The following KIF13B variants were observed in gnomAD, a reference collection of about 807,000 sequenced individuals.
KIF13B encodes kinesin family member 13B.
Under a neutral mutation model 222.0 loss-of-function variants are expected in KIF13B, and 127 were observed. That is an observed-to-expected ratio of 0.57 (90% CI 0.50 to 0.66). The LOEUF is 0.66. KIF13B is among the 30% of genes least tolerant of loss of function. The probability of loss-of-function intolerance (pLI) is 0.00; values close to 1 mark genes in which losing one functional copy is unlikely to be tolerated. For missense variants in KIF13B, 2,173 were observed against 2,379.0 expected (o/e 0.91, Z 1.80); for synonymous variants, 976 against 919.0 (o/e 1.06, Z -1.12).
chr8:29,147,242 T>C lies in KIF13B; in HGVS notation c.2024+150A>G, dbSNP rs1399264935. 10 of 637,122 alleles carry C rather than the reference T, an allele frequency of 1.6e-5. No homozygotes were observed. In the East Asian group the frequency reaches 1.9e-4, roughly 12 times the overall value. 39.5% of individuals were successfully genotyped at this position (637,122 alleles called of 1,614,324 possible). A position where few individuals can be genotyped will look rare whatever the true frequency, so the allele number is the denominator to read the frequency against. The stretch of plus-strand genomic sequence containing the variant: ...GGGCAATTCCCCTTTTAAAAACAAA[T>C]GCAAAGTGGTTCTTGGCTGTTAACA... On this transcript the variant is annotated intron_variant, in intron 17 of 39. Coordinates refer to ENST00000524189, the MANE Select transcript of KIF13B (RefSeq NM_015254.4).
At chr8:29,250,957 C>T (rs1027211461) in intron 1 of KIF13B, among the ~76,000 whole-genome samples, 2 of 152,052 alleles carry the variant, frequency 1.3e-5, no homozygotes, top group Non-Finnish European at 2.9e-5. Context: ...AAAGCAGTGG[C>T]GTAGACAACA....
chr8:29,196,686 A>G (rs1268259376), intron 2 of KIF13B, among the ~76,000 whole-genome samples: 2 of 152,104 alleles, frequency 1.3e-5, no homozygotes, highest in East Asian at 1.9e-4. Context: ...AGAAACCACT[A>G]ATTTCTTGCC....
chr8:29,207,844 T>C (rs1377081471), intron 2 of KIF13B, among the ~76,000 whole-genome samples: 4 of 152,138 alleles, frequency 2.6e-5, no homozygotes, highest in Non-Finnish European at 4.4e-5. Context: ...TTTGAAATGA[T>C]GGCTACTATT....
intron 36 of KIF13B, among the ~76,000 whole-genome samples, chr8:29,093,856 T>A (rs1297108140): frequency 1.3e-5 from 2 of 151,284 alleles, no homozygotes; most frequent in African/African-American, 2.4e-5. Flanking sequence ...ACATCATACC[T>A]CAGTTTAGAA....
chr8:29,208,065 T>C (rs1472655335), intron 2 of KIF13B, among the ~76,000 whole-genome samples: 1 of 152,208 alleles, frequency 6.6e-6, no homozygotes, highest in African/African-American at 2.4e-5. Flanking sequence ...GAAAATCATG[T>C]ATTTGCAGTT....
At chr8:29,240,327 G>GA (rs796337657) in intron 2 of KIF13B, among the ~76,000 whole-genome samples, 2,050 of 130,430 alleles carry the variant, frequency 0.016, 38 homozygotes, top group African/African-American at 0.046. Flanking sequence ...CCGCAGCAGG[G>GA]AAAAAAAAAA....
At chr8:29,109,789 T>C (rs1487550704) in intron 33 of KIF13B, 129 bp downstream of exon 33, 2 of 900,492 alleles carry the variant, frequency 2.2e-6, no homozygotes, top group East Asian at 5.3e-5. Flanking sequence ...TCACTCTGGA[T>C]TATTCAAAGT....
intron 2 of KIF13B, among the ~76,000 whole-genome samples, chr8:29,233,180 T>C (rs1018078674): frequency 6.6e-6 from 1 of 152,084 alleles, no homozygotes. Flanking sequence ...AAAAATCCCA[T>C]ATGACACCAA....
chr8:29,245,409 T>C lies in KIF13B; in HGVS notation c.86A>G (p.Asp29Gly). The C allele has an allele frequency of 6.2e-7, 1 of 1,602,138 alleles. No homozygotes were observed. The highest frequency in any genetic ancestry group is 8.5e-7 in the Non-Finnish European group (1 of 1,173,522). The change falls in exon 2 of 40, where the codon GAT (aspartate) becomes GGT (glycine). Residue 29 changes from aspartate (D) to glycine (G), a missense_variant. This residue lies in a region of KIF13B where 1,480 missense variants were observed against 1,722.8 expected (regional missense o/e 0.86). Transcript: ENST00000524189. Reference protein sequence around the residue: ...ETDLHTKCVVDVDANKVILNP... With the variant: ...ETDLHTKCVVGVDANKVILNP... Reference sequence around the variant, plus strand: ...AAGAATAACCTTGTTTGCATCCACATCCACCACACATTTGGTATGCAAGTC... The same window carrying C: ...AAGAATAACCTTGTTTGCATCCACACCCACCACACATTTGGTATGCAAGTC...
chr8:29,129,753 C>A (rs1182845004), intron 24 of KIF13B, among the ~76,000 whole-genome samples: 1 of 152,186 alleles, frequency 6.6e-6, no homozygotes, highest in Non-Finnish European at 1.5e-5. Context: ...TAAGTGGCCA[C>A]TCCCATATTC....
At chr8:29,089,893 A>G (rs867002446) in intron 37 of KIF13B, among the ~76,000 whole-genome samples, 116 of 151,976 alleles carry the variant, frequency 7.6e-4, no homozygotes, top group African/African-American at 2.6e-3. Context: ...CTCAAAAAAA[A>G]AAAAAAAAAA....
chr8:29,109,482 T>C lies in KIF13B; in HGVS notation c.4113A>G (p.Gly1371=), dbSNP rs1258463327. 2.5e-6 allele frequency: 4 copies of C among 1,613,840 alleles called. No homozygotes were observed. The highest frequency in any genetic ancestry group is 4.5e-5 in the East Asian group (2 of 44,902). The change falls in exon 34 of 40, where the codon GGA becomes GGG. Residue 1371 remains glycine (G), a synonymous_variant. Coordinates refer to ENST00000524189, the MANE Select transcript of KIF13B (RefSeq NM_015254.4). ...QEVAVKEQLT[G]KGKLSRRSIS... The stretch of plus-strand genomic sequence containing the variant: ...TACTCCTCCTGCTCAACTTTCCTTT[T>C]CCTGTTAACTGTTCCTTCACTGCAA...
intron 1 of KIF13B, among the ~76,000 whole-genome samples, chr8:29,251,033 C>A (rs893945800): frequency 6.6e-6 from 1 of 152,066 alleles, no homozygotes; most frequent in Non-Finnish European, 1.5e-5. Context: ...AGCCTGTAAT[C>A]CCAGCTACTC....
At position 29,068,891 on chromosome 8, in the gene KIF13B, G is replaced by C. The variant is rs900323377; in HGVS notation, c.*1613C>G. ...TCCCTCAAAATCGGCTAAGGACAGG[G>C]AGAGCCCTGGAGGAGTGCCTCCCCC... On this transcript the variant is annotated 3_prime_UTR_variant, in exon 40 of 40. Coordinates refer to ENST00000524189, the MANE Select transcript of KIF13B (RefSeq NM_015254.4). The surrounding 1 kb of genome is among the most constrained non-coding windows in gnomAD (Gnocchi z 4.4). The C allele has an allele frequency of 3.9e-5, 6 of 152,294 alleles. No individual in the cohort carries two copies. The highest frequency in any genetic ancestry group is 1.2e-4 in the African/African-American group (5 of 41,458). 9.4% of individuals were successfully genotyped at this position (152,294 alleles called of 1,614,324 possible).
At position 29,252,965 on chromosome 8, in the gene KIF13B, T is replaced by A. The variant is rs1816338048; in HGVS notation, c.56-7526A>T. Reference sequence around the variant, plus strand: ...ACTTTTATATTGTTACTAGTAAACATGAAAATGTATTAAATAAATAAAAGA... The same window carrying A: ...ACTTTTATATTGTTACTAGTAAACAAGAAAATGTATTAAATAAATAAAAGA... On this transcript the variant is annotated intron_variant, in intron 1 of 39. Coordinates refer to ENST00000524189, the MANE Select transcript of KIF13B (RefSeq NM_015254.4). Among the ~76,000 whole-genome samples, 4 of 152,136 alleles carry A rather than the reference T, an allele frequency of 2.6e-5. No homozygotes were observed. In the South Asian group the frequency reaches 6.2e-4, roughly 24 times the overall value.
chr8:29,070,604 A>G lies in KIF13B; in HGVS notation c.5381T>C (p.Leu1794Pro). The G allele has an allele frequency of 6.3e-7, 1 of 1,592,946 alleles. No homozygotes were observed. The highest frequency in any genetic ancestry group is 8.5e-7 in the Non-Finnish European group (1 of 1,169,704). Residue 1794 changes from leucine to proline, a missense_variant, in exon 40 of 40, where the codon CTC becomes CCC. By Grantham distance (98) the Leu-to-Pro change is moderately conservative (BLOSUM62 -3). This residue lies in a region of KIF13B where 693 missense variants were observed against 656.2 expected (regional missense o/e 1.06). Transcript: ENST00000524189. This position sits in a 1 kb window ranked among gnomAD's most constrained non-coding sequence, Gnocchi z 4.1. Reference sequence around the variant, plus strand: ...GGCCAGGTTGGTGGCGGAGCCCGAGAGGGTGGCGCTCCGGCGGGCCTCGGG... The same window carrying G: ...GGCCAGGTTGGTGGCGGAGCCCGAGGGGGTGGCGCTCCGGCGGGCCTCGGG... ...GAPEARRSAT[L>P]SGSATNLASL...
At chr8:29,132,544 T>C (rs1810392905) in intron 22 of KIF13B, 79 bp from the exon 23 acceptor site, 1 of 901,066 alleles carries the variant, frequency 1.1e-6, no homozygotes, top group Non-Finnish European at 1.5e-6. Context: ...CATCACATAC[T>C]TAATTATATC....
At chr8:29,234,179 T>C (rs1374287212) in intron 2 of KIF13B, among the ~76,000 whole-genome samples, 1 of 152,058 alleles carries the variant, frequency 6.6e-6, no homozygotes. Context: ...ATACCCAAAA[T>C]AACTGAAAGC....
intron 2 of KIF13B, among the ~76,000 whole-genome samples, chr8:29,229,735 G>A (rs1297055301): frequency 1.3e-5 from 2 of 152,122 alleles, no homozygotes; most frequent in African/African-American, 4.8e-5. Flanking sequence ...CTCTTCAGAG[G>A]AAACCCACAA....
Sources: gnomAD v4.1 joint callset for allele counts (sites outside exome capture counted in the v4.1 genomes callset) on GRCh38, gnomAD v4.1.1 for gene constraint, gnomAD v4.1.1 regional missense constraint, Gnocchi (gnomAD v3.1) non-coding constraint, MANE v1.5 for transcripts, NCBI Gene and HGNC (gene_info 2026-07-23, HGNC 2026-07-21) for gene names.